ADGRD1: variants seen among roughly 807,000 people sequenced by gnomAD.
ADGRD1 encodes adhesion G protein-coupled receptor D1, also known as G-protein coupled receptor 133.
A neutral mutation model predicts 113.4 loss-of-function variants in ADGRD1; 77 were observed. The observed-to-expected ratio is 0.68, with a 90% CI of 0.57 to 0.82. The LOEUF (loss-of-function observed/expected upper bound fraction) is 0.82. Ranked by LOEUF, ADGRD1 falls within the 40% of genes least tolerant of loss-of-function variation. ADGRD1 has a pLI of 0.00. For missense variants in ADGRD1, 1,036 were observed against 1,139.1 expected (o/e 0.91, Z 1.30); for synonymous variants, 474 against 475.0 (o/e 1.00, Z 0.03).
intron 15 of ADGRD1, among the ~76,000 whole-genome samples, chr12:131,091,702 C>T (rs1467349): frequency 0.033 from 4,962 of 152,224 alleles, 107 homozygotes; most frequent in East Asian, 0.08. Context: ...GTTAGTGGGC[C>T]GGGGCGAGGA....
chr12:131,044,801 G>C lies in ADGRD1; in HGVS notation c.1473+30461G>C, dbSNP rs575847115. 5.5e-4 allele frequency among the ~76,000 whole-genome samples: 84 copies of C among 152,332 alleles called. 1 individual carries two copies. The South Asian group carries it at 0.017, about 30-fold the overall frequency. Reference sequence around the variant, plus strand: ...GGTTCTGAGCCGCAGCGGCGCTCTGGGAGACTTCCTTCCAGCACACAGAGC... The same window carrying C: ...GGTTCTGAGCCGCAGCGGCGCTCTGCGAGACTTCCTTCCAGCACACAGAGC... On this transcript the variant is annotated intron_variant, in intron 13 of 24. Coordinates refer to ENST00000261654, the MANE Select transcript of ADGRD1 (RefSeq NM_198827.5).
chr12:131,115,144 C>T (rs961701966), intron 18 of ADGRD1, among the ~76,000 whole-genome samples: 1 of 152,136 alleles, frequency 6.6e-6, no homozygotes, highest in African/African-American at 2.4e-5. Context: ...AGCTTCCATC[C>T]CTCTTTGGTT....
At chr12:130,974,095 A>T (rs1415423974) in intron 4 of ADGRD1, among the ~76,000 whole-genome samples, 1 of 152,144 alleles carries the variant, frequency 6.6e-6, no homozygotes, top group African/African-American at 2.4e-5. Flanking sequence ...CCGGGCCATG[A>T]GCCTGTGCGA....
At chr12:130,961,883 T>C (rs1262595430) in intron 2 of ADGRD1, among the ~76,000 whole-genome samples, 1 of 152,244 alleles carries the variant, frequency 6.6e-6, no homozygotes, top group Non-Finnish European at 1.5e-5. Flanking sequence ...CTGACAATCC[T>C]GGGCAAAGCT....
At chr12:131,133,174 C>T (rs984826818) in intron 21 of ADGRD1, among the ~76,000 whole-genome samples, 1 of 152,074 alleles carries the variant, frequency 6.6e-6, no homozygotes, top group Admixed American at 6.5e-5. Context: ...TTCCTCACCC[C>T]AGCCCTCAGC....
intron 3 of ADGRD1, chr12:130,968,830 G>A: frequency 3.3e-6 from 2 of 609,258 alleles, no homozygotes; most frequent in South Asian, 2.0e-5. Flanking sequence ...GGAGGCTGGG[G>A]GATGTGAGGT....
chr12:131,017,554 A>T (rs1212386385), intron 13 of ADGRD1, among the ~76,000 whole-genome samples: 3 of 141,980 alleles, frequency 2.1e-5, no homozygotes, highest in Non-Finnish European at 3.1e-5. Flanking sequence ...ACACACACTC[A>T]CTCCACACAC....
chr12:131,045,473 C>T (rs1261985492), intron 13 of ADGRD1, among the ~76,000 whole-genome samples: 1 of 151,746 alleles, frequency 6.6e-6, no homozygotes, highest in Non-Finnish European at 1.5e-5. Flanking sequence ...AGCGCACGCC[C>T]GGGAGCTGCG....
rs143399356 is a variant in ADGRD1 at position 131,014,666 on chromosome 12, A to G, written c.1473+326A>G. Among the ~76,000 whole-genome samples the G allele has an allele frequency of 3.5e-3, 537 of 152,334 alleles. 4 individuals are homozygous for G. Among genetic ancestry groups the G allele is most frequent in the African/African-American group, 0.012 (504 of 41,570 alleles). On this transcript the variant is annotated intron_variant, in intron 13 of 24. Coordinates refer to ENST00000261654, the MANE Select transcript of ADGRD1 (RefSeq NM_198827.5). ...ACTGGAGGAGGGGGGTACCTTGGCC[A>G]TCCCAGTTACCATGTGTGTTATTAG...
chr12:130,994,640 C>T (rs190235568), intron 8 of ADGRD1, among the ~76,000 whole-genome samples: 36 of 152,326 alleles, frequency 2.4e-4, no homozygotes, highest in Admixed American at 1.7e-3. Context: ...ATTAATTAGA[C>T]GAATGTTGAT....
chr12:131,044,246 G>T (rs1882438917), intron 13 of ADGRD1, among the ~76,000 whole-genome samples: 1 of 152,214 alleles, frequency 6.6e-6, no homozygotes, highest in Non-Finnish European at 1.5e-5. Flanking sequence ...CTTGTTAGAA[G>T]GATGAAGCGG....
chr12:131,037,097 TGGGCCTCACTCACGGCACC>T (rs1881546204), intron 13 of ADGRD1, among the ~76,000 whole-genome samples: 1 of 109,734 alleles, frequency 9.1e-6, no homozygotes, highest in Non-Finnish European at 1.9e-5. Flanking sequence ...CTCACTGCAC[TGGGCCTCACTCACGGCACC>T]GGGCCTCACT....
chr12:131,094,797 C>T (rs1238220771), intron 15 of ADGRD1, among the ~76,000 whole-genome samples: 1 of 152,232 alleles, frequency 6.6e-6, no homozygotes, highest in African/African-American at 2.4e-5. Flanking sequence ...ACCAGCAAGC[C>T]CTCCAGGTGC....
chr12:131,110,318 C>T (rs2137358262), intron 18 of ADGRD1, among the ~76,000 whole-genome samples: 1 of 150,792 alleles, frequency 6.6e-6, no homozygotes, highest in South Asian at 2.1e-4. Context: ...TGAATATTTC[C>T]TAGTGTAACA....
At chr12:131,089,629 G>A (rs1368445277) in intron 15 of ADGRD1, among the ~76,000 whole-genome samples, 2 of 113,990 alleles carry the variant, frequency 1.8e-5, no homozygotes, top group Admixed American at 8.1e-5. Flanking sequence ...GGTGCTCCCG[G>A]CCAGTGAGTG....
intron 13 of ADGRD1, among the ~76,000 whole-genome samples, chr12:131,016,620 G>T (rs913929082): frequency 6.6e-6 from 1 of 152,246 alleles, no homozygotes; most frequent in African/African-American, 2.4e-5. Context: ...GTAGCTGGGC[G>T]CAGTGGCTCA....
At position 130,979,815 on chromosome 12, in the gene ADGRD1, T is replaced by TCACACACACACACACACACA. The variant is rs1491129989; in HGVS notation, c.311-2068_311-2067insACACACACACACACACACAC. Among the ~76,000 whole-genome samples, 47 of 139,822 alleles carry TCACACACACACACACACACA rather than the reference T, an allele frequency of 3.4e-4. 1 individual carries two copies. Among genetic ancestry groups the TCACACACACACACACACACA allele is most frequent in the African/African-American group, 1.3e-3 (45 of 34,422 alleles). The allele number at this position is 139,822 out of a possible 152,430, so 91.7% of individuals were successfully genotyped here. On this transcript the variant is annotated intron_variant, in intron 4 of 24. Coordinates refer to ENST00000261654, the MANE Select transcript of ADGRD1 (RefSeq NM_198827.5). Reference sequence around the variant, plus strand: ...GCAGAATCCAGACAGGCAGCTAGTGTCTCACACACACACACACACACACAC... The same window carrying TCACACACACACACACACACA: ...GCAGAATCCAGACAGGCAGCTAGTGTCACACACACACACACACACACTCACACACACACACACACACACAC...
At chr12:131,031,566 G>A (rs969286313) in intron 13 of ADGRD1, among the ~76,000 whole-genome samples, 4 of 151,932 alleles carry the variant, frequency 2.6e-5, no homozygotes, top group Non-Finnish European at 5.9e-5. Context: ...TAGCAAACAC[G>A]GCCCCCCCAC....
chr12:131,093,535 G>T (rs767340576), intron 15 of ADGRD1, among the ~76,000 whole-genome samples: 2 of 152,176 alleles, frequency 1.3e-5, no homozygotes, highest in Non-Finnish European at 2.9e-5. Context: ...CAGTGGCAGG[G>T]GCCTGAATTA....
Sources: gnomAD v4.1 joint callset for allele counts (sites outside exome capture counted in the v4.1 genomes callset) on GRCh38, gnomAD v4.1.1 for gene constraint, MANE v1.5 for transcripts, NCBI Gene and HGNC (gene_info 2026-07-23, HGNC 2026-07-21) for gene names.